UNC5B: variants seen among roughly 807,000 people sequenced by gnomAD.
UNC5B encodes the protein netrin receptor UNC5B.
UNC5B carries 56 observed loss-of-function variants against 103.7 expected under a neutral mutation model. The ratio of observed to expected loss-of-function variants is 0.54; its 90% CI spans 0.44 to 0.67. The LOEUF is 0.67. Among genes scored for constraint, UNC5B ranks in the 30% least tolerant of loss-of-function variants. UNC5B has a pLI of 0.00. For missense variants in UNC5B, 1,194 were observed against 1,284.5 expected (o/e 0.93, Z 1.08); for synonymous variants, 577 against 542.0 (o/e 1.06, Z -0.90).
chr10:71,250,932 A>G (rs148647680), intron 1 of UNC5B, among the ~76,000 whole-genome samples: 1 of 152,324 alleles, frequency 6.6e-6, no homozygotes, highest in African/African-American at 2.4e-5. Flanking sequence ...GAGATCACTG[A>G]GTTCAGGGAT....
chr10:71,291,845 G>A (rs780770413), intron 10 of UNC5B, 24 bp downstream of exon 10: 82 of 1,566,712 alleles, frequency 5.2e-5, no homozygotes, highest in Middle Eastern at 3.7e-4. Context: ...CTGCTTGTGC[G>A]TCAGCCTGGC....
rs1843255635 is a variant in UNC5B at position 71,212,896 on chromosome 10, AGGAGGCGGCGGCGGC to A, written c.-85_-71del. On this transcript the variant is annotated 5_prime_UTR_variant, in exon 1 of 17. Transcript: ENST00000335350. ...CCGGGCGCCGGGGAGGACGGCGAGG[AGGAGGCGGCGGCGGC>A]GGAGACGGCGGCGGCGAGACTGGGG... 8 of 1,065,112 alleles carry A rather than the reference AGGAGGCGGCGGCGGC, an allele frequency of 7.5e-6. No individual in the cohort carries two copies. In the East Asian group the frequency reaches 9.8e-5, roughly 13 times the overall value. 66.0% of individuals were successfully genotyped at this position (1,065,112 alleles called of 1,614,324 possible). A position where few individuals can be genotyped will look rare whatever the true frequency, so the allele number is the denominator to read the frequency against.
chr10:71,296,486 C>G, intron 14 of UNC5B, 92 bp from the exon 15 acceptor site: 2 of 1,466,984 alleles, frequency 1.4e-6, no homozygotes, highest in Non-Finnish European at 1.8e-6. Flanking sequence ...TGAACTGCCC[C>G]CCAAAGCTCC....
intron 2 of UNC5B, among the ~76,000 whole-genome samples, chr10:71,280,274 G>C (rs1390915646): frequency 6.6e-6 from 1 of 152,126 alleles, no homozygotes; most frequent in Admixed American, 6.6e-5. Context: ...TTCTGCTTCT[G>C]TTAGGGAGCA....
At chr10:71,242,236 A>T (rs967150129) in intron 1 of UNC5B, among the ~76,000 whole-genome samples, 1 of 152,090 alleles carries the variant, frequency 6.6e-6, no homozygotes, top group African/African-American at 2.4e-5. Context: ...TTACTATGAC[A>T]TGTGACCTCG....
chr10:71,291,280 G>C lies in UNC5B; in HGVS notation c.1295-152G>C, dbSNP rs573216639. 62 of 1,343,072 alleles carry C rather than the reference G, an allele frequency of 4.6e-5. No homozygotes were observed. In the South Asian group the frequency reaches 8.5e-4, roughly 18 times the overall value. The allele number at this position is 1,343,072 out of a possible 1,614,324, so 83.2% of individuals were successfully genotyped here. On this transcript the variant is annotated intron_variant, in intron 9 of 16. Coordinates refer to ENST00000335350, the MANE Select transcript of UNC5B (RefSeq NM_170744.5). The stretch of plus-strand genomic sequence containing the variant: ...GATTAGAGAACTACCGAGAAGGAAG[G>C]GAGTGACCCAGGCTGCGGGATTCCC...
rs1845446452 is a variant in UNC5B, at chr10:71,296,885, TGGCGGA to T, written c.2490+146_2490+151del. 7.6e-6 allele frequency: 4 copies of T among 526,618 alleles called. No individual in the cohort carries two copies. In the East Asian group the frequency reaches 1.4e-4, roughly 18 times the overall value. The allele number at this position is 526,618 out of a possible 1,614,324, so 32.6% of individuals were successfully genotyped here. A position where few individuals can be genotyped will look rare whatever the true frequency, so the allele number is the denominator to read the frequency against. On this transcript the variant is annotated intron_variant, in intron 15 of 16. Transcript: ENST00000335350. The stretch of plus-strand genomic sequence containing the variant: ...CAGATATTCCAGCTGCACACCACGC[TGGCGGA>T]GGTGAGGGAAGGGTGGGGCAGATAT...
chr10:71,251,402 G>A (rs12266036), intron 1 of UNC5B, among the ~76,000 whole-genome samples: 29,555 of 152,114 alleles, frequency 0.19, 3,427 homozygotes, highest in Non-Finnish European at 0.27. Context: ...CAATAGAAAC[G>A]CTGTACATGG....
In UNC5B at chr10:71,287,654, C is replaced by G. The variant is rs756761925; in HGVS notation, c.790C>G (p.Arg264Gly). ...GTCACCCTGCTCCAACCGCTGTGGC[C>G]GAGGCTGGCAGAAGCGCACCCGGAC... ...EWSPCSNRCGRGWQKRTRTCT... is the reference protein window; with the variant it reads ...EWSPCSNRCGGGWQKRTRTCT... Residue 264 changes from arginine (R) to glycine (G), a missense_variant, in exon 6 of 17, where the codon CGA becomes GGA. Physicochemically the swap from Arg to Gly is moderately radical, Grantham distance 125 (BLOSUM62 -2). Transcript: ENST00000335350. 2 of 1,612,538 alleles carry G rather than the reference C, an allele frequency of 1.2e-6. No individual in the cohort carries two copies. Among genetic ancestry groups the G allele is most frequent in the Non-Finnish European group, 1.7e-6 (2 of 1,179,460 alleles).
chr10:71,234,336 C>T (rs1328762480), intron 1 of UNC5B, among the ~76,000 whole-genome samples: 1 of 152,192 alleles, frequency 6.6e-6, no homozygotes, highest in Non-Finnish European at 1.5e-5. Flanking sequence ...TCAGGCCTGG[C>T]CCAGAGAAGT....
At position 71,293,534 on chromosome 10, in the gene UNC5B, C is replaced by A. The variant is rs536943466; in HGVS notation, c.1902C>A (p.Ile634=). 47 of 1,613,984 alleles carry A rather than the reference C, an allele frequency of 2.9e-5. No homozygotes were observed. In the East Asian group the frequency reaches 4.7e-4, roughly 16 times the overall value. The change falls in exon 12 of 17, where the codon ATC becomes ATA. Residue 634 remains isoleucine (I), a synonymous_variant. Coordinates refer to ENST00000335350, the MANE Select transcript of UNC5B (RefSeq NM_170744.5). The stretch of plus-strand genomic sequence containing the variant: ...CCGAAGTCAGTGCCCGTGACTGGAT[C>A]TTTCAGCTCAAGACCCAGGCCCACC... ...HCAEVSARDW[I]FQLKTQAHQG...
At chr10:71,256,290 G>C (rs1395862389) in intron 1 of UNC5B, among the ~76,000 whole-genome samples, 1 of 152,188 alleles carries the variant, frequency 6.6e-6, no homozygotes, top group Non-Finnish European at 1.5e-5. Flanking sequence ...CCTGGCCCCA[G>C]CTCCTCCAGG....
rs925967458 is a variant in UNC5B, at chr10:71,300,229, C to T, written c.*952C>T. ...TAGATTTAGCTGGTTAGATTTTCCT[C>T]TAAAATCTTAAGCAGATGCTGAATC... On this transcript the variant is annotated 3_prime_UTR_variant, in exon 17 of 17. Transcript: ENST00000335350. 2.0e-5 allele frequency: 3 copies of T among 152,306 alleles called. No individual in the cohort carries two copies. Among genetic ancestry groups the T allele is most frequent in the Admixed American group, 2.0e-4 (3 of 15,306 alleles). The allele number at this position is 152,306 out of a possible 1,614,324, so 9.4% of individuals were successfully genotyped here.
At chr10:71,249,032 C>T (rs895111654) in intron 1 of UNC5B, among the ~76,000 whole-genome samples, 19 of 152,294 alleles carry the variant, frequency 1.2e-4, no homozygotes, top group African/African-American at 4.3e-4. Flanking sequence ...AAACATAGCT[C>T]CCTCTGGCAA....
intron 1 of UNC5B, among the ~76,000 whole-genome samples, chr10:71,242,093 A>G (rs992919561): frequency 6.6e-6 from 1 of 152,076 alleles, no homozygotes; most frequent in African/African-American, 2.4e-5. Flanking sequence ...TCCTAGGCCA[A>G]CCCCAGCCCC....
At chr10:71,238,947 C>A (rs990517024) in intron 1 of UNC5B, among the ~76,000 whole-genome samples, 1 of 152,092 alleles carries the variant, frequency 6.6e-6, no homozygotes, top group African/African-American at 2.4e-5. Context: ...CCTGGCTAAT[C>A]CCTAGAGGCT....
intron 1 of UNC5B, among the ~76,000 whole-genome samples, chr10:71,277,281 G>A (rs117576074): frequency 0.066 from 10,089 of 152,290 alleles, 429 homozygotes; most frequent in Middle Eastern, 0.12. Context: ...TTCTCCTGTG[G>A]CCATGACCTG....
rs189467622 is a variant in UNC5B at position 71,295,407 on chromosome 10, C to T, written c.2176-404C>T. Among the ~76,000 whole-genome samples the T allele has an allele frequency of 3.3e-5, 5 of 152,308 alleles. No individual in the cohort carries two copies. In the East Asian group the frequency reaches 9.6e-4, roughly 29 times the overall value. ...CTTTCTGTTCATCTGACCATATACC[C>T]ATTCAGTCAGCAGCCCATCTGTTTA... On this transcript the variant is annotated intron_variant, in intron 13 of 16. Coordinates refer to ENST00000335350, the MANE Select transcript of UNC5B (RefSeq NM_170744.5).
At chr10:71,286,409 A>G (rs568724857) in intron 4 of UNC5B, among the ~76,000 whole-genome samples, 9 of 152,298 alleles carry the variant, frequency 5.9e-5, no homozygotes, top group Non-Finnish European at 8.8e-5. Flanking sequence ...ATGCTAACTC[A>G]TGTAATCCTC....
Sources: gnomAD v4.1 joint callset for allele counts (sites outside exome capture counted in the v4.1 genomes callset) on GRCh38, gnomAD v4.1.1 for gene constraint, MANE v1.5 for transcripts, NCBI Gene and HGNC (gene_info 2026-07-23, HGNC 2026-07-21) for gene names.